Variants in MYO1E observed in about 807,000 individuals in gnomAD.
MYO1E encodes the protein myosin IE.
A neutral mutation model predicts 151.1 loss-of-function variants in MYO1E; 68 were observed. That is an observed-to-expected ratio of 0.45 (90% confidence interval 0.37 to 0.55). MYO1E has a LOEUF of 0.55. MYO1E is among the 20% of genes least tolerant of loss of function. The pLI, the probability that MYO1E is intolerant of heterozygous loss-of-function variation, is 0.00. For missense variants in MYO1E, 1,363 were observed against 1,389.3 expected, an observed-to-expected ratio of 0.98 and a Z score of 0.30; for synonymous variants, 601 against 501.7, an observed-to-expected ratio of 1.20 and a Z score of -2.64.
At chr15:59,188,704 A>AATAAAT (rs1403847549) in intron 17 of MYO1E, among the ~76,000 whole-genome samples, 1 of 151,934 alleles carries the variant, frequency 6.6e-6, no homozygotes, top group African/African-American at 2.4e-5. Context: ...TCAGAAATAA[A>AATAAAT]ATAAATATAA....
chr15:59,357,593 T>TTTG (rs146568549), intron 1 of MYO1E, among the ~76,000 whole-genome samples: 53 of 150,010 alleles, frequency 3.5e-4, no homozygotes, highest in African/African-American at 1.3e-3. Context: ...CCTGGCTATT[T>TTTG]TTGTTGTTGT....
At chr15:59,191,661 A>G (rs2079735408) in intron 17 of MYO1E, among the ~76,000 whole-genome samples, 1 of 152,226 alleles carries the variant, frequency 6.6e-6, no homozygotes, top group Non-Finnish European at 1.5e-5. Flanking sequence ...TTCATTCATT[A>G]TAACTTCCAC....
chr15:59,320,120 G>A (rs1176842794), intron 1 of MYO1E, among the ~76,000 whole-genome samples: 4 of 152,030 alleles, frequency 2.6e-5, no homozygotes, highest in Non-Finnish European at 5.9e-5. Context: ...TAACCAAGGA[G>A]GTGAAAGACA....
chr15:59,148,407 G>A lies in MYO1E; in HGVS notation c.3080+5183C>T, dbSNP rs530712535. On this transcript the variant is annotated intron_variant, in intron 26 of 27. Transcript: ENST00000288235. ...TGCCTAGTCTATGTCGGGGGAGCTA[G>A]GATTAAGCTTTCGAATATCACCTCT... Among the ~76,000 whole-genome samples the A allele has an allele frequency of 2.5e-4, 38 of 152,300 alleles. No homozygotes were observed. In the South Asian group the frequency reaches 5.4e-3, roughly 22 times the overall value.
chr15:59,185,310 C>A (rs541069069), intron 18 of MYO1E, among the ~76,000 whole-genome samples: 1 of 152,112 alleles, frequency 6.6e-6, no homozygotes, highest in Non-Finnish European at 1.5e-5. Context: ...CTCTGTCGCC[C>A]AGGCTGGAGT....
intron 18 of MYO1E, among the ~76,000 whole-genome samples, chr15:59,180,260 C>G (rs1464843064): frequency 6.6e-6 from 1 of 152,118 alleles, no homozygotes; most frequent in Non-Finnish European, 1.5e-5. Context: ...ACAAATTAAG[C>G]TACACATAAA....
Position 59,163,323 on chromosome 15 carries a change from A to T in MYO1E, c.2481-20T>A. The stretch of plus-strand genomic sequence containing the variant: ...ATAGTACTGTAAAGAGATTGGACAA[A>T]CACACTTGGTGAAAGCTGTGCTTCT... On this transcript the variant is annotated intron_variant, in intron 22 of 27. Transcript: ENST00000288235. 6.2e-7 allele frequency: 1 copy of T among 1,610,394 alleles called. No homozygotes were observed.
intron 19 of MYO1E, among the ~76,000 whole-genome samples, chr15:59,175,095 G>C: frequency 6.6e-6 from 1 of 152,196 alleles, no homozygotes; most frequent in East Asian, 1.9e-4. Flanking sequence ...CGCATACTCT[G>C]TCATCTCTAT....
Position 59,208,852 on chromosome 15 carries a change from A to C in MYO1E, c.1363-4T>G, listed in dbSNP as rs1225871495. The C allele has an allele frequency of 6.2e-7, 1 of 1,614,076 alleles. No individual in the cohort carries two copies. The highest frequency in any genetic ancestry group is 1.1e-5 in the South Asian group (1 of 91,064). ...TGCTCATGATGCCAGGAGGGTTCTG[A>C]TGGGAGCAAGAAGGCAAGGCCCTAG... is the stretch of plus-strand genomic sequence containing the variant. On this transcript the variant is annotated splice_polypyrimidine_tract_variant and splice_region_variant and intron_variant, in intron 13 of 27. Coordinates refer to ENST00000288235, the MANE Select transcript of MYO1E (RefSeq NM_004998.4).
intron 4 of MYO1E, among the ~76,000 whole-genome samples, chr15:59,251,330 G>A (rs992383546): frequency 1.1e-4 from 17 of 152,104 alleles, no homozygotes; most frequent in African/African-American, 2.9e-4. Context: ...TTAGACAAAT[G>A]TAAATGATGT....
chr15:59,171,926 C>G lies in MYO1E; in HGVS notation c.2451G>C (p.Glu817Asp). 2 of 1,614,212 alleles carry G rather than the reference C, an allele frequency of 1.2e-6. No homozygotes were observed. The highest frequency in any genetic ancestry group is 1.7e-6 in the Non-Finnish European group (2 of 1,180,028). ...LVKEVLKRKIEIERILSVSLS... is the reference protein window; with the variant it reads ...LVKEVLKRKIDIERILSVSLS... ...GGGACACAGACAAGATCCGTTCTATCTCGATTTTCCGCTTCAGGACTTCTT... is the reference window on the plus strand; with the variant it reads ...GGGACACAGACAAGATCCGTTCTATGTCGATTTTCCGCTTCAGGACTTCTT... The change falls in exon 22 of 28, where the codon GAG (glutamate) becomes GAC (aspartate). Residue 817 changes from glutamate to aspartate, a missense_variant. Coordinates refer to ENST00000288235, the MANE Select transcript of MYO1E (RefSeq NM_004998.4).
At chr15:59,185,081 C>A (rs2079687638) in intron 18 of MYO1E, among the ~76,000 whole-genome samples, 1 of 151,860 alleles carries the variant, frequency 6.6e-6, no homozygotes, top group Admixed American at 6.6e-5. Context: ...ATCAGCATGT[C>A]TTTTTTTTGA....
chr15:59,286,290 A>G (rs1409539816), intron 1 of MYO1E, among the ~76,000 whole-genome samples: 1 of 152,222 alleles, frequency 6.6e-6, no homozygotes, highest in Admixed American at 6.5e-5. Flanking sequence ...TGCTGGAGGT[A>G]TGCTGACATG....
intron 16 of MYO1E, among the ~76,000 whole-genome samples, chr15:59,196,313 A>G (rs1165321452): frequency 1.3e-5 from 2 of 152,212 alleles, no homozygotes; most frequent in African/African-American, 4.8e-5. Flanking sequence ...AAAGCCACAT[A>G]AAGCTGAAAT....
chr15:59,258,515 A>G (rs1483472615), intron 3 of MYO1E, among the ~76,000 whole-genome samples: 3 of 152,214 alleles, frequency 2.0e-5, no homozygotes, highest in African/African-American at 7.2e-5. Context: ...AGTAGGTTAT[A>G]GTTTGTTTAT....
At chr15:59,287,741 A>T (rs1567003587) in intron 1 of MYO1E, among the ~76,000 whole-genome samples, 1 of 152,126 alleles carries the variant, frequency 6.6e-6, no homozygotes, top group East Asian at 1.9e-4. Flanking sequence ...TGGGGTGTTG[A>T]CATGGTCTCA....
chr15:59,201,103 A>G (rs2079798718), intron 16 of MYO1E, among the ~76,000 whole-genome samples: 1 of 143,916 alleles, frequency 6.9e-6, no homozygotes, highest in Non-Finnish European at 1.6e-5. Context: ...CACAATGACA[A>G]AAACTATTTT....
intron 1 of MYO1E, among the ~76,000 whole-genome samples, chr15:59,291,240 C>T (rs2080416888): frequency 6.6e-6 from 1 of 152,216 alleles, no homozygotes; most frequent in African/African-American, 2.4e-5. Flanking sequence ...AGAAAAGCAG[C>T]ACCAGTACTC....
At chr15:59,370,335 T>C (rs999256090) in intron 1 of MYO1E, among the ~76,000 whole-genome samples, 3 of 152,256 alleles carry the variant, frequency 2.0e-5, no homozygotes, top group Non-Finnish European at 4.4e-5. Flanking sequence ...GATGCTCTAT[T>C]CTAAGGCAAC....
Sources: allele counts gnomAD v4.1 joint callset (sites outside exome capture counted in the v4.1 genomes callset), GRCh38; gene constraint gnomAD v4.1.1; transcripts MANE v1.5; gene names NCBI Gene and HGNC (gene_info 2026-07-23, HGNC 2026-07-21).